EFCAB11: variants seen among roughly 807,000 people sequenced by gnomAD.
The protein encoded by EFCAB11 is EF-hand calcium binding domain 11, also known as EF-hand calcium-binding domain-containing protein 11.
EFCAB11 carries 14 observed loss-of-function variants against 23.0 expected under a neutral mutation model. The observed-to-expected ratio is 0.61, with a 90% CI of 0.40 to 0.95. EFCAB11 has a LOEUF of 0.95. EFCAB11 is among the 40% of genes least tolerant of loss of function. EFCAB11 has a pLI of 0.00. For missense variants in EFCAB11, 198 were observed against 195.8 expected (o/e 1.01, Z -0.07); for synonymous variants, 65 against 66.6 (o/e 0.98, Z 0.11).
chr14:89,929,990 A>C (rs572450588), intron 5 of EFCAB11, among the ~76,000 whole-genome samples: 1 of 152,318 alleles, frequency 6.6e-6, no homozygotes, highest in Admixed American at 6.5e-5. Flanking sequence ...ATGAGTATCA[A>C]TTTTTAGTTC....
At chr14:89,872,098 CAGAATGACAAA>C (rs1451618411) in intron 5 of EFCAB11, among the ~76,000 whole-genome samples, 5 of 152,216 alleles carry the variant, frequency 3.3e-5, no homozygotes, top group African/African-American at 1.2e-4. Flanking sequence ...AGGGGCTCCA[CAGAATGACAAA>C]AGTCTGTAAC....
intron 5 of EFCAB11, among the ~76,000 whole-genome samples, chr14:89,800,565 C>T (rs972324812): frequency 8.5e-5 from 13 of 152,202 alleles, no homozygotes; most frequent in Non-Finnish European, 1.0e-4. Flanking sequence ...GACACATATA[C>T]AGACTATCTC....
rs116156648 is a variant in EFCAB11, at chr14:89,891,880, C to T, written c.410+39661G>A. On this transcript the variant is annotated intron_variant, in intron 5 of 5. Transcript: ENST00000316738. ...GCAAGACGTCGCTGCTGCGGAGCTA[C>T]GTGGCGGGCGCGCCTGGCGCCCCAC... Among the ~76,000 whole-genome samples, 355 of 152,120 alleles carry T rather than the reference C, an allele frequency of 2.3e-3. 1 individual carries two copies. Among genetic ancestry groups the T allele is most frequent in the African/African-American group, 7.8e-3 (323 of 41,550 alleles).
At chr14:89,917,483 A>G (rs1889887694) in intron 5 of EFCAB11, among the ~76,000 whole-genome samples, 1 of 152,148 alleles carries the variant, frequency 6.6e-6, no homozygotes, top group Admixed American at 6.5e-5. Flanking sequence ...TTCTTTATCC[A>G]TTCATCCAGT....
At chr14:89,867,807 A>G (rs950013787) in intron 5 of EFCAB11, among the ~76,000 whole-genome samples, 2 of 152,176 alleles carry the variant, frequency 1.3e-5, no homozygotes, top group African/African-American at 2.4e-5. Context: ...TTGGGGAAAC[A>G]GGGAGGAGGC....
At chr14:89,935,966 C>T (rs559075479) in intron 3 of EFCAB11, among the ~76,000 whole-genome samples, 127 of 152,168 alleles carry the variant, frequency 8.3e-4, no homozygotes, top group Non-Finnish European at 1.5e-3. Flanking sequence ...CGAGATCGTG[C>T]CACTGCACTC....
intron 5 of EFCAB11, among the ~76,000 whole-genome samples, chr14:89,852,368 T>G (rs1385530649): frequency 6.6e-6 from 1 of 152,088 alleles, no homozygotes; most frequent in Non-Finnish European, 1.5e-5. Flanking sequence ...GCTGCTGGAG[T>G]GTTACCTGCT....
intron 3 of EFCAB11, among the ~76,000 whole-genome samples, chr14:89,938,971 C>CA (rs11289812): frequency 0.062 from 4,982 of 80,214 alleles, 185 homozygotes; most frequent in African/African-American, 0.11. Flanking sequence ...AACAACAAAG[C>CA]AAAAAAAAAA....
intron 5 of EFCAB11, among the ~76,000 whole-genome samples, chr14:89,869,656 C>T (rs555098353): frequency 6.6e-6 from 1 of 152,308 alleles, no homozygotes; most frequent in African/African-American, 2.4e-5. Flanking sequence ...GCTTCCTCAG[C>T]ACAAGATGGG....
intron 3 of EFCAB11, chr14:89,938,092 A>G (rs1890653999): frequency 6.6e-6 from 1 of 152,202 alleles, no homozygotes; most frequent in Non-Finnish European, 1.5e-5. Context: ...CAGTGCACAC[A>G]GAGAAATCCT....
intron 5 of EFCAB11, among the ~76,000 whole-genome samples, chr14:89,864,551 A>G (rs756131322): frequency 4.6e-5 from 7 of 151,988 alleles, no homozygotes; most frequent in Admixed American, 2.6e-4. Flanking sequence ...CAGCCTCCCA[A>G]ATAGTAGCTG....
rs1211968374 is a variant in EFCAB11 at position 89,932,479 on chromosome 14, C to A, written c.319+47G>T. The stretch of plus-strand genomic sequence containing the variant: ...TGGGTATATAATCCTATTTGCAATC[C>A]CTTAAAAGTAATTTTTTTTACATCA... On this transcript the variant is annotated intron_variant, in intron 4 of 5. Transcript: ENST00000316738. 4 of 1,457,244 alleles carry A rather than the reference C, an allele frequency of 2.7e-6. No homozygotes were observed. In the African/African-American group the frequency reaches 4.4e-5, roughly 16 times the overall value. 90.3% of individuals were successfully genotyped at this position (1,457,244 alleles called of 1,614,324 possible). A position where few individuals can be genotyped will look rare whatever the true frequency, so the allele number is the denominator to read the frequency against.
intron 5 of EFCAB11, among the ~76,000 whole-genome samples, chr14:89,915,513 A>AT: frequency 6.6e-6 from 1 of 152,358 alleles, no homozygotes. Flanking sequence ...TGTTTGGTTC[A>AT]TTAAGAGAGG....
At chr14:89,803,627 T>C (rs1295812096) in intron 5 of EFCAB11, among the ~76,000 whole-genome samples, 1 of 152,196 alleles carries the variant, frequency 6.6e-6, no homozygotes, top group Non-Finnish European at 1.5e-5. Flanking sequence ...CTTTATGGAA[T>C]AATTTAAACC....
At chr14:89,843,176 G>A (rs1887325734) in intron 5 of EFCAB11, among the ~76,000 whole-genome samples, 2 of 151,958 alleles carry the variant, frequency 1.3e-5, no homozygotes, top group South Asian at 4.1e-4. Flanking sequence ...TTGGCTTCAG[G>A]ATTCCCTTAT....
chr14:89,950,852 C>T (rs1027039371), intron 2 of EFCAB11, among the ~76,000 whole-genome samples: 3 of 152,278 alleles, frequency 2.0e-5, no homozygotes, highest in South Asian at 2.1e-4. Context: ...CCTGGTTCCT[C>T]TTGTTCCTGC....
chr14:89,954,648 C>T lies in EFCAB11; in HGVS notation c.13G>A (p.Glu5Lys). The T allele has an allele frequency of 6.2e-7, 1 of 1,612,528 alleles. No homozygotes were observed. The highest frequency in any genetic ancestry group is 8.5e-7 in the Non-Finnish European group (1 of 1,179,804). Residue 5 changes from glutamate to lysine, a missense_variant, in exon 1 of 6, where the codon GAG (glutamate) becomes AAG (lysine). Glu to Lys is a moderately conservative substitution (Grantham distance 56). Coordinates refer to ENST00000316738, the MANE Select transcript of EFCAB11 (RefSeq NM_145231.4). MFFS[E>K]ARARSRTWEA... ...CACGTCCGCGACCTGGCTCTGGCCTCGGAGAAGAACATCGCGACTACAACA... is the reference window on the plus strand; with the variant it reads ...CACGTCCGCGACCTGGCTCTGGCCTTGGAGAAGAACATCGCGACTACAACA...
At position 89,864,477 on chromosome 14, in the gene EFCAB11, T is replaced by C. The variant is rs139226751; in HGVS notation, c.410+67064A>G. Among the ~76,000 whole-genome samples, 1,458 of 152,136 alleles carry C rather than the reference T, an allele frequency of 9.6e-3. 13 individuals are homozygous for C. Among genetic ancestry groups the C allele is most frequent in the Middle Eastern group, 0.02 (6 of 294 alleles). ...TCTCACTCTGTTACACAGGCTGGAG[T>C]ACAGTGGTGCAATCATGGCTCACTG... On this transcript the variant is annotated intron_variant, in intron 5 of 5. Coordinates refer to ENST00000316738, the MANE Select transcript of EFCAB11 (RefSeq NM_145231.4).
At position 89,928,823 on chromosome 14, in the gene EFCAB11, TTAAA is replaced by T. The variant is rs999758326; in HGVS notation, c.410+2714_410+2717del. Among the ~76,000 whole-genome samples the T allele has an allele frequency of 2.0e-3, 300 of 147,392 alleles. 2 individuals are homozygous for T. Among genetic ancestry groups the T allele is most frequent in the African/African-American group, 6.3e-3 (257 of 40,634 alleles). On this transcript the variant is annotated intron_variant, in intron 5 of 5. Coordinates refer to ENST00000316738, the MANE Select transcript of EFCAB11 (RefSeq NM_145231.4). ...TATATATTATAGATTACATATATAA[TTAAA>T]TAATTATATATTACATATTACATAT...
Sources: allele counts gnomAD v4.1 joint callset (sites outside exome capture counted in the v4.1 genomes callset), GRCh38; gene constraint gnomAD v4.1.1; transcripts MANE v1.5; gene names NCBI Gene and HGNC (gene_info 2026-07-23, HGNC 2026-07-21).